Variants in CDKN2C observed in about 807,000 individuals in gnomAD.
CDKN2C encodes cyclin-dependent kinase 4 inhibitor C.
Under a neutral mutation model 11.0 loss-of-function variants are expected in CDKN2C, and 5 were observed. That is an observed-to-expected ratio of 0.45 (90% CI 0.24 to 0.95). The LOEUF (loss-of-function observed/expected upper bound fraction) is 0.95. Ranked by LOEUF, CDKN2C falls within the 40% of genes least tolerant of loss-of-function variation. The probability of loss-of-function intolerance (pLI) is 0.21; values close to 1 mark genes in which losing one functional copy is unlikely to be tolerated. For missense variants in CDKN2C, 161 were observed against 211.9 expected, an observed-to-expected ratio of 0.76 and a Z score of 1.49; for synonymous variants, 79 against 88.3, an observed-to-expected ratio of 0.89 and a Z score of 0.59.
chr1:50,972,916 A>G (rs532693957), intron 1 of CDKN2C, among the ~76,000 whole-genome samples: 1 of 152,292 alleles, frequency 6.6e-6, no homozygotes, highest in Admixed American at 6.5e-5. Flanking sequence ...ACCACAAGAC[A>G]AGGCTGTCCG....
intron 1 of CDKN2C, among the ~76,000 whole-genome samples, chr1:50,970,931 C>T (rs762095048): frequency 2.0e-4 from 30 of 152,208 alleles, no homozygotes; most frequent in Admixed American, 2.0e-4. Context: ...TTCTTGACTA[C>T]TGATGAGGGT....
chr1:50,961,756 C>T (rs1333422805), intron 1 of CDKN2C, among the ~76,000 whole-genome samples: 1 of 152,202 alleles, frequency 6.6e-6, no homozygotes, highest in African/African-American at 2.4e-5. Flanking sequence ...TGGCTTCCAA[C>T]TCCTGTGCTC....
At chr1:50,972,361 G>A (rs1464587584) in intron 1 of CDKN2C, among the ~76,000 whole-genome samples, 1 of 151,944 alleles carries the variant, frequency 6.6e-6, no homozygotes, top group Non-Finnish European at 1.5e-5. Context: ...TTTATCAACA[G>A]GGGAGCTTAA....
intron 1 of CDKN2C, among the ~76,000 whole-genome samples, chr1:50,963,676 T>C (rs544562962): frequency 1.3e-5 from 2 of 152,256 alleles, no homozygotes; most frequent in South Asian, 2.1e-4. Flanking sequence ...TCCAGAGTGG[T>C]TATCTACTAC....
upstream of CDKN2C, among the ~76,000 whole-genome samples, chr1:50,966,244 T>C (rs1227812783): frequency 6.6e-6 from 1 of 152,092 alleles, no homozygotes; most frequent in African/African-American, 2.4e-5. Flanking sequence ...GGTTTAACCA[T>C]GTTGGCCAGG....
upstream of CDKN2C, chr1:50,969,435 G>C (rs1645367277): frequency 6.6e-6 from 1 of 152,150 alleles, no homozygotes; most frequent in Non-Finnish European, 1.5e-5. The surrounding 1 kb of genome is among the most constrained non-coding windows in gnomAD (Gnocchi z 6.6). Flanking sequence ...CTCCTTCCTC[G>C]GGCTGCCGGG....
At chr1:50,971,408 G>A (rs1645379801) in intron 1 of CDKN2C, among the ~76,000 whole-genome samples, 1 of 152,156 alleles carries the variant, frequency 6.6e-6, no homozygotes, top group Non-Finnish European at 1.5e-5. Flanking sequence ...AGAGGGCTTT[G>A]TTTCGGTTAC....
chr1:50,967,575 G>A (rs1454823800), upstream of CDKN2C, among the ~76,000 whole-genome samples: 1 of 152,178 alleles, frequency 6.6e-6, no homozygotes, highest in Non-Finnish European at 1.5e-5. Flanking sequence ...GCCAAAGGCC[G>A]GTTCTAATTA....
chr1:50,963,888 TTCATGGAGC>T (rs1231241123), intron 1 of CDKN2C, among the ~76,000 whole-genome samples: 58 of 152,286 alleles, frequency 3.8e-4, no homozygotes, highest in Admixed American at 2.5e-3. Flanking sequence ...CCCACAGTAG[TTCATGGAGC>T]TCAGCCTAAG....
chr1:50,974,523 G>C lies in CDKN2C; in HGVS notation c.*253G>C. Reference sequence around the variant, plus strand: ...TCTTCTGAATATTTTATCTTTCCTTGGCTTTTCCCTTGCTTCCCCTTTTGC... The same window carrying C: ...TCTTCTGAATATTTTATCTTTCCTTCGCTTTTCCCTTGCTTCCCCTTTTGC... On this transcript the variant is annotated 3_prime_UTR_variant, in exon 2 of 2. Coordinates refer to ENST00000371761, the MANE Select transcript of CDKN2C (RefSeq NM_078626.3). 2.7e-6 allele frequency: 1 copy of C among 373,040 alleles called. No individual in the cohort carries two copies. Among genetic ancestry groups the C allele is most frequent in the Non-Finnish European group, 4.8e-6 (1 of 209,776 alleles). 23.1% of individuals were successfully genotyped at this position (373,040 alleles called of 1,614,324 possible).
chr1:50,969,818 A>T (rs1645369693), upstream of CDKN2C: 1 of 191,662 alleles, frequency 5.2e-6, no homozygotes, highest in Admixed American at 5.7e-5. This position sits in a 1 kb window ranked among gnomAD's most constrained non-coding sequence, Gnocchi z 6.6. Context: ...CCCTTCGGCG[A>T]GACGGATGGA....
chr1:50,965,976 A>C (rs978073130), upstream of CDKN2C, among the ~76,000 whole-genome samples: 6 of 152,182 alleles, frequency 3.9e-5, no homozygotes, highest in Admixed American at 3.3e-4. Flanking sequence ...TACCTACTTG[A>C]GTCAATGAGG....
In CDKN2C at chr1:50,973,880, A is replaced by G. The variant is rs1557609736; in HGVS notation, c.130-13A>G. The G allele has an allele frequency of 6.2e-7, 1 of 1,613,854 alleles. No individual in the cohort carries two copies. ...GCACTTGAAGGATTCTACCATTTCT[A>G]CTTCTTTTCCAGGTTATGAAACTTG... On this transcript the variant is annotated splice_polypyrimidine_tract_variant and intron_variant, in intron 1 of 1. Coordinates refer to ENST00000371761, the MANE Select transcript of CDKN2C (RefSeq NM_078626.3).
chr1:50,972,694 T>A (rs866619224), intron 1 of CDKN2C, among the ~76,000 whole-genome samples: 11 of 152,158 alleles, frequency 7.2e-5, no homozygotes, highest in African/African-American at 2.7e-4. Flanking sequence ...TACAAGATAC[T>A]TTATAAGAGA....
chr1:50,971,094 A>G (rs2147956896), intron 1 of CDKN2C, among the ~76,000 whole-genome samples: 1 of 152,318 alleles, frequency 6.6e-6, no homozygotes, highest in Non-Finnish European at 1.5e-5. Flanking sequence ...GAATTTTCTA[A>G]TCAGAGCTCA....
chr1:50,971,949 A>G (rs1645383190), intron 1 of CDKN2C, among the ~76,000 whole-genome samples: 1 of 152,150 alleles, frequency 6.6e-6, no homozygotes, highest in African/African-American at 2.4e-5. Context: ...CTTATTTTCA[A>G]TATGTATAAT....
At chr1:50,961,604 A>G (rs1645323819) in intron 1 of CDKN2C, among the ~76,000 whole-genome samples, 1 of 152,360 alleles carries the variant, frequency 6.6e-6, no homozygotes, top group East Asian at 1.9e-4. Flanking sequence ...GTGAAGTAAG[A>G]TTGCTGATTT....
intron 1 of CDKN2C, among the ~76,000 whole-genome samples, chr1:50,972,857 G>C (rs1301070980): frequency 6.6e-6 from 1 of 152,098 alleles, no homozygotes; most frequent in Non-Finnish European, 1.5e-5. Context: ...GATAATAACT[G>C]AAAAAGGAAC....
chr1:50,964,603 T>C (rs187447492), intron 1 of CDKN2C, among the ~76,000 whole-genome samples: 41 of 152,320 alleles, frequency 2.7e-4, no homozygotes, highest in Admixed American at 1.9e-3. Context: ...GACCCTGGAC[T>C]AATGGAAAAA....
Sources: gnomAD v4.1 joint callset for allele counts (sites outside exome capture counted in the v4.1 genomes callset) on GRCh38, gnomAD v4.1.1 for gene constraint, Gnocchi (gnomAD v3.1) non-coding constraint, MANE v1.5 for transcripts, NCBI Gene and HGNC (gene_info 2026-07-23, HGNC 2026-07-21) for gene names.